The following HIP1 variants were observed in gnomAD, a reference collection of about 807,000 sequenced individuals.
HIP1 encodes huntingtin-interacting protein 1.
HIP1 carries 65 observed loss-of-function variants against 147.6 expected under a neutral mutation model. That is an observed-to-expected ratio of 0.44 (90% CI 0.36 to 0.54). The LOEUF is 0.54. Ranked by LOEUF, HIP1 falls within the 20% of genes least tolerant of loss-of-function variation. The pLI, the probability that HIP1 is intolerant of heterozygous loss-of-function variation, is 0.00. For missense variants in HIP1, 1,061 were observed against 1,299.6 expected (o/e 0.82, Z 2.82); for synonymous variants, 479 against 504.0 (o/e 0.95, Z 0.67).
At chr7:75,580,651 G>T (rs1166062616) in intron 7 of HIP1, among the ~76,000 whole-genome samples, 1 of 152,008 alleles carries the variant, frequency 6.6e-6, no homozygotes, top group Non-Finnish European at 1.5e-5. Context: ...GAGGTGGGAG[G>T]ATCATTTGAG....
intron 1 of HIP1, among the ~76,000 whole-genome samples, chr7:75,663,962 A>ATATATATATACACATATATGTG (rs1309666339): frequency 3.4e-5 from 1 of 29,476 alleles, no homozygotes; most frequent in Non-Finnish European, 5.8e-5. Context: ...ATATATGTGT[A>ATATATATATACACATATATGTG]TATATATATA....
At chr7:75,670,198 G>C (rs535648654) in intron 1 of HIP1, among the ~76,000 whole-genome samples, 1 of 151,730 alleles carries the variant, frequency 6.6e-6, no homozygotes, top group Non-Finnish European at 1.5e-5. Context: ...CCTAGGCTGG[G>C]GGCCTGTGGT....
chr7:75,644,937 T>C (rs11978055), intron 1 of HIP1, among the ~76,000 whole-genome samples: 2,828 of 152,314 alleles, frequency 0.019, 54 homozygotes, highest in Middle Eastern at 0.048. Flanking sequence ...GAACCTTCAC[T>C]TTGACTCAAA....
chr7:75,582,817 A>G (rs1796109318), intron 5 of HIP1, among the ~76,000 whole-genome samples: 1 of 152,046 alleles, frequency 6.6e-6, no homozygotes, highest in South Asian at 2.1e-4. Flanking sequence ...CCACCGCAAA[A>G]AAAAGAAAAA....
intron 4 of HIP1, among the ~76,000 whole-genome samples, chr7:75,587,722 G>A (rs1335157911): frequency 6.6e-6 from 1 of 152,188 alleles, no homozygotes; most frequent in East Asian, 1.9e-4. Context: ...CCAGCACTTT[G>A]GGAGGCCGAG....
intron 1 of HIP1, among the ~76,000 whole-genome samples, chr7:75,602,677 G>A (rs896827828): frequency 6.6e-6 from 1 of 150,874 alleles, no homozygotes; most frequent in African/African-American, 2.4e-5. Context: ...TAATGAATAT[G>A]TTCTTAAATT....
chr7:75,602,495 T>TC (rs1797038410), intron 1 of HIP1, among the ~76,000 whole-genome samples: 1 of 20,090 alleles, frequency 5.0e-5, no homozygotes, highest in Non-Finnish European at 9.1e-5. Flanking sequence ...AGATATGCTC[T>TC]TTTTTTTTTT....
chr7:75,726,967 G>A (rs1801670071), intron 1 of HIP1, among the ~76,000 whole-genome samples: 2 of 151,964 alleles, frequency 1.3e-5, no homozygotes, highest in African/African-American at 2.4e-5. Context: ...GTGAGCCATT[G>A]TGCCTGGCCA....
intron 6 of HIP1, among the ~76,000 whole-genome samples, chr7:75,581,763 G>A (rs1563218971): frequency 6.6e-6 from 1 of 152,172 alleles, no homozygotes; most frequent in East Asian, 1.9e-4. Flanking sequence ...TGGGTAACAG[G>A]GCAAGACTGC....
intron 1 of HIP1, among the ~76,000 whole-genome samples, chr7:75,737,993 CG>C (rs1180226890): frequency 6.6e-6 from 1 of 152,154 alleles, no homozygotes; most frequent in East Asian, 1.9e-4. Context: ...ATTAAAAACT[CG>C]GAGAAAAAAA....
At chr7:75,616,104 A>AAG (rs1797650370) in intron 1 of HIP1, among the ~76,000 whole-genome samples, 1 of 150,166 alleles carries the variant, frequency 6.7e-6, no homozygotes, top group African/African-American at 2.4e-5. Context: ...AAAAAAAAAA[A>AAG]AAGAAAAGAT....
At chr7:75,545,029 TGGA>T in intron 26 of HIP1, 56 bp downstream of exon 26, 1 of 1,029,338 alleles carries the variant, frequency 9.7e-7, no homozygotes. Context: ...AGCTATTGTT[TGGA>T]GTGGATCAAT....
At chr7:75,612,274 C>G (rs782183664) in intron 1 of HIP1, among the ~76,000 whole-genome samples, 1 of 152,186 alleles carries the variant, frequency 6.6e-6, no homozygotes, top group Admixed American at 6.5e-5. Context: ...CTTTGGGAGG[C>G]GGAGGTGGGC....
chr7:75,582,858 C>A (rs915035411), intron 5 of HIP1, among the ~76,000 whole-genome samples: 37 of 152,146 alleles, frequency 2.4e-4, no homozygotes, highest in African/African-American at 8.2e-4. Context: ...TGCTCCTGGG[C>A]TCCATGGTGC....
intron 1 of HIP1, among the ~76,000 whole-genome samples, chr7:75,665,417 G>A (rs1402146233): frequency 6.6e-6 from 1 of 152,140 alleles, no homozygotes; most frequent in African/African-American, 2.4e-5. Flanking sequence ...TCTGTGGAGA[G>A]AACCACGTGG....
chr7:75,563,829 C>A (rs969093761), intron 9 of HIP1, among the ~76,000 whole-genome samples: 1 of 152,218 alleles, frequency 6.6e-6, no homozygotes, highest in Non-Finnish European at 1.5e-5. Context: ...GAATTACAAT[C>A]GTTTGGTACT....
At chr7:75,561,926 C>A in intron 12 of HIP1, 147 bp downstream of exon 12, 1 of 609,020 alleles carries the variant, frequency 1.6e-6, no homozygotes, top group Middle Eastern at 2.6e-4. Flanking sequence ...GGATTACAGG[C>A]ATAAGCCATT....
At chr7:75,614,043 T>G (rs1275828685) in intron 1 of HIP1, among the ~76,000 whole-genome samples, 1 of 147,106 alleles carries the variant, frequency 6.8e-6, no homozygotes, top group Non-Finnish European at 1.5e-5. Flanking sequence ...GCCTCCCAGA[T>G]AGCTGAGACG....
intron 1 of HIP1, among the ~76,000 whole-genome samples, chr7:75,682,848 G>A (rs1375350649): frequency 6.6e-6 from 1 of 152,182 alleles, no homozygotes; most frequent in African/African-American, 2.4e-5. Flanking sequence ...CTGCGCTGGA[G>A]GGACTGTGTG....
Sources: gnomAD v4.1 joint callset for allele counts (sites outside exome capture counted in the v4.1 genomes callset) on GRCh38, gnomAD v4.1.1 for gene constraint, MANE v1.5 for transcripts, NCBI Gene and HGNC (gene_info 2026-07-23, HGNC 2026-07-21) for gene names.